Variants in NFE2L2 observed in about 807,000 individuals in gnomAD.
The protein encoded by NFE2L2 is NFE2 like bZIP transcription factor 2, also known as nuclear factor erythroid 2-related factor 2.
A neutral mutation model predicts 49.6 loss-of-function variants in NFE2L2; 20 were observed. The observed-to-expected ratio is 0.40, with a 90% CI of 0.28 to 0.59. The LOEUF is 0.59. Among genes scored for constraint, NFE2L2 ranks in the 20% least tolerant of loss-of-function variants. The probability of loss-of-function intolerance (pLI) is 0.40; values close to 1 mark genes in which losing one functional copy is unlikely to be tolerated. For synonymous variants in NFE2L2, 244 were observed against 256.5 expected, an observed-to-expected ratio of 0.95 and a Z score of 0.47; for missense variants, 578 against 714.2, an observed-to-expected ratio of 0.81 and a Z score of 2.17.
In NFE2L2 at chr2:177,231,336, C is replaced by T. The variant is rs774581491; in HGVS notation, c.1267G>A (p.Glu423Lys). 5.6e-6 allele frequency: 9 copies of T among 1,614,140 alleles called. 1 individual carries two copies. In the South Asian group the frequency reaches 9.9e-5, roughly 18 times the overall value. ...GGCAATTCTTTCTCTGGTGTGTTCT[C>T]ACATTGGGCATCATGCACGTGAGTG... ...QSTHVHDAQC[E>K]NTPEKELPVS... Residue 423 changes from glutamate (E) to lysine (K), a missense_variant, in exon 5 of 5, where the codon GAG becomes AAG. Physicochemically the swap from Glu to Lys is moderately conservative, Grantham distance 56. This residue lies in a region of NFE2L2 where 368 missense variants were observed against 384.6 expected (regional missense o/e 0.96). Transcript: ENST00000397062.
chr2:177,255,257 A>G (rs1013682253), intron 1 of NFE2L2, among the ~76,000 whole-genome samples: 1 of 152,110 alleles, frequency 6.6e-6, no homozygotes, highest in African/African-American at 2.4e-5. Context: ...GCTTCCCCCA[A>G]CTTTTCTTAA....
Position 177,232,436 on chromosome 2 carries a change from T to A in NFE2L2, c.550A>T (p.Ile184Phe). 1 of 1,614,060 alleles carries A rather than the reference T, an allele frequency of 6.2e-7. No individual in the cohort carries two copies. The highest frequency in any genetic ancestry group is 8.5e-7 in the Non-Finnish European group (1 of 1,179,952). Residue 184 changes from isoleucine to phenylalanine, a missense_variant, in exon 4 of 5, where the codon ATT becomes TTT. By Grantham distance (21) the Ile-to-Phe change is conservative. This residue lies in a region of NFE2L2 where 368 missense variants were observed against 384.6 expected (regional missense o/e 0.96). Coordinates refer to ENST00000397062, the MANE Select transcript of NFE2L2 (RefSeq NM_006164.5). ...PVDLDGMQQD[I>F]EQVWEELLSI... is the part of the protein sequence containing the mutation. ...AATAGCTCCTCCCAAACTTGCTCAA[T>A]GTCCTGTTGCATACCGTCTAAATCA...
chr2:177,243,872 G>A (rs1303302612), intron 1 of NFE2L2, among the ~76,000 whole-genome samples: 1 of 152,052 alleles, frequency 6.6e-6, no homozygotes, highest in Non-Finnish European at 1.5e-5. Context: ...AGTCATCCAG[G>A]CTTGGGGGCT....
At chr2:177,237,528 T>A (rs1456858768) in intron 1 of NFE2L2, among the ~76,000 whole-genome samples, 2 of 143,548 alleles carry the variant, frequency 1.4e-5, no homozygotes, top group African/African-American at 5.8e-5. Context: ...CTTTATTTTA[T>A]TTTTTTTTGA....
At chr2:177,249,182 A>G (rs953383986) in intron 1 of NFE2L2, among the ~76,000 whole-genome samples, 6 of 152,090 alleles carry the variant, frequency 3.9e-5, no homozygotes, top group Non-Finnish European at 8.8e-5. Context: ...TTCTGCCACT[A>G]TACTACAGCC....
At chr2:177,264,221 C>T (rs1690855579) in intron 1 of NFE2L2, 3 of 321,088 alleles carry the variant, frequency 9.3e-6, no homozygotes, top group Non-Finnish European at 1.7e-5. Flanking sequence ...GGAGTCCCAG[C>T]TCTCGGGCCC....
chr2:177,241,937 C>T (rs1488429967), intron 1 of NFE2L2, among the ~76,000 whole-genome samples: 6 of 152,204 alleles, frequency 3.9e-5, no homozygotes, highest in Admixed American at 3.9e-4. Context: ...AGCAAAATGA[C>T]ACCAAGCAGA....
intron 1 of NFE2L2, among the ~76,000 whole-genome samples, chr2:177,234,605 T>C (rs138440396): frequency 0.014 from 2,076 of 152,314 alleles, 25 homozygotes; most frequent in South Asian, 0.035. Flanking sequence ...TAATGGAATA[T>C]AGAAATTAGA....
intron 1 of NFE2L2, among the ~76,000 whole-genome samples, chr2:177,239,433 T>G (rs1248058006): frequency 6.6e-6 from 1 of 152,208 alleles, no homozygotes; most frequent in Non-Finnish European, 1.5e-5. Flanking sequence ...TCTTAGCACT[T>G]TGGGAGGCCG....
chr2:177,244,396 C>A (rs1690052165), intron 1 of NFE2L2, among the ~76,000 whole-genome samples: 1 of 152,012 alleles, frequency 6.6e-6, no homozygotes, highest in South Asian at 2.1e-4. Context: ...CTAAGTGGAT[C>A]ACTAATCCAT....
chr2:177,257,564 A>G (rs751661055), intron 1 of NFE2L2, among the ~76,000 whole-genome samples: 36 of 152,238 alleles, frequency 2.4e-4, no homozygotes, highest in Non-Finnish European at 4.6e-4. Flanking sequence ...CATGATTTAA[A>G]TAAGACATCC....
intron 1 of NFE2L2, among the ~76,000 whole-genome samples, chr2:177,244,786 C>T (rs1690066663): frequency 6.6e-6 from 1 of 152,004 alleles, no homozygotes; most frequent in Non-Finnish European, 1.5e-5. Context: ...GCGGGCGGAT[C>T]ACGAGGTCAG....
Position 177,230,712 on chromosome 2 carries a change from T to C in NFE2L2, c.*73A>G. On this transcript the variant is annotated 3_prime_UTR_variant, in exon 5 of 5. Transcript: ENST00000397062. Reference sequence around the variant, plus strand: ...GAATTACTTATAAAGTATGAGCATTTCACATCACAGTAGGAGCTTTTAGTA... The same window carrying C: ...GAATTACTTATAAAGTATGAGCATTCCACATCACAGTAGGAGCTTTTAGTA... 6.8e-7 allele frequency: 1 copy of C among 1,467,420 alleles called. No individual in the cohort carries two copies. The highest frequency in any genetic ancestry group is 9.1e-7 in the Non-Finnish European group (1 of 1,103,648). The allele number at this position is 1,467,420 out of a possible 1,614,324, so 90.9% of individuals were successfully genotyped here.
At chr2:177,258,273 C>A (rs893356897) in intron 1 of NFE2L2, among the ~76,000 whole-genome samples, 1 of 152,192 alleles carries the variant, frequency 6.6e-6, no homozygotes, top group Non-Finnish European at 1.5e-5. Flanking sequence ...TATTGATATA[C>A]GTTGCAACAT....
intron 1 of NFE2L2, among the ~76,000 whole-genome samples, chr2:177,239,448 G>A (rs757975031): frequency 1.3e-5 from 2 of 152,150 alleles, no homozygotes; most frequent in Non-Finnish European, 1.5e-5. Flanking sequence ...AGGCCGAGGC[G>A]GGCAGATCGC....
intron 1 of NFE2L2, among the ~76,000 whole-genome samples, chr2:177,246,050 C>A (rs1010460964): frequency 2.0e-5 from 3 of 152,202 alleles, no homozygotes; most frequent in Non-Finnish European, 4.4e-5. Context: ...GTCCACTGCT[C>A]CTTGGTGTTC....
At chr2:177,261,342 G>C (rs757841135) in intron 1 of NFE2L2, among the ~76,000 whole-genome samples, 1 of 152,118 alleles carries the variant, frequency 6.6e-6, no homozygotes, top group Non-Finnish European at 1.5e-5. Flanking sequence ...GTGATTAAAT[G>C]TCTTGCTAAA....
chr2:177,230,670 G>T lies in NFE2L2; in HGVS notation c.*115C>A. 2 of 1,172,714 alleles carry T rather than the reference G, an allele frequency of 1.7e-6. No individual in the cohort carries two copies. Among genetic ancestry groups the T allele is most frequent in the Non-Finnish European group, 2.3e-6 (2 of 863,812 alleles). 72.6% of individuals were successfully genotyped at this position (1,172,714 alleles called of 1,614,324 possible). On this transcript the variant is annotated 3_prime_UTR_variant, in exon 5 of 5. Coordinates refer to ENST00000397062, the MANE Select transcript of NFE2L2 (RefSeq NM_006164.5). ...TCGTATTATTTTCTATACTAGTTTT[G>T]GCTATGATTTTGCATAGAATTACTT...
Position 177,264,597 on chromosome 2 carries a change from T to G in NFE2L2, c.-21A>C, listed in dbSNP as rs1402115546. ...ATCATGATGAGCTGTGGACCGTGTG[T>G]TGGGGCTCCCCGACGGCGGCCCTGT... On this transcript the variant is annotated 5_prime_UTR_variant, in exon 1 of 5. Transcript: ENST00000397062. 6.9e-7 allele frequency: 1 copy of G among 1,455,424 alleles called. No individual in the cohort carries two copies. The highest frequency in any genetic ancestry group is 9.1e-7 in the Non-Finnish European group (1 of 1,096,082). The allele number at this position is 1,455,424 out of a possible 1,614,324, so 90.2% of individuals were successfully genotyped here.
Sources: allele counts gnomAD v4.1 joint callset (sites outside exome capture counted in the v4.1 genomes callset), GRCh38; gene constraint gnomAD v4.1.1; regional missense constraint gnomAD v4.1.1; transcripts MANE v1.5; gene names NCBI Gene and HGNC (gene_info 2026-07-23, HGNC 2026-07-21).